The following NIPA2 variants were observed in gnomAD, a reference collection of about 807,000 sequenced individuals.
NIPA2 encodes NIPA magnesium transporter 2.
A neutral mutation model predicts 29.7 loss-of-function variants in NIPA2; 11 were observed. The ratio of observed to expected loss-of-function variants is 0.37; its 90% CI spans 0.23 to 0.61. The LOEUF (loss-of-function observed/expected upper bound fraction) is 0.61, where lower values mean the gene tolerates loss of function less well. Ranked by LOEUF, NIPA2 falls within the 20% of genes least tolerant of loss-of-function variation. The pLI, the probability that NIPA2 is intolerant of heterozygous loss-of-function variation, is 0.66. For missense variants in NIPA2, 426 were observed against 437.9 expected (o/e 0.97, Z 0.24); for synonymous variants, 183 against 161.9 (o/e 1.13, Z -0.99).
At chr15:22,854,569 A>AC (rs892829084) in intron 5 of NIPA2, among the ~76,000 whole-genome samples, 3 of 146,512 alleles carry the variant, frequency 2.0e-5, no homozygotes, top group African/African-American at 7.5e-5. Flanking sequence ...ACATGGTGAA[A>AC]CCCCGTCTCT....
chr15:22,842,959 C>T (rs929335473), intron 2 of NIPA2, among the ~76,000 whole-genome samples: 13 of 150,370 alleles, frequency 8.6e-5, no homozygotes, highest in African/African-American at 3.0e-4. Context: ...GCAGAGATTG[C>T]GTCACTGCAC....
At chr15:22,848,101 G>T (rs1462437265) in intron 3 of NIPA2, among the ~76,000 whole-genome samples, 1 of 152,166 alleles carries the variant, frequency 6.6e-6, no homozygotes, top group African/African-American at 2.4e-5. Context: ...CCTGGTCGAT[G>T]ATTTTTATGT....
At chr15:22,843,094 A>G (rs1214944733) in intron 2 of NIPA2, among the ~76,000 whole-genome samples, 1 of 151,570 alleles carries the variant, frequency 6.6e-6, no homozygotes, top group African/African-American at 2.4e-5. Flanking sequence ...TCTTCTTGCT[A>G]CAAACAGGGG....
chr15:22,847,636 G>C (rs555204661), intron 3 of NIPA2, among the ~76,000 whole-genome samples: 1 of 151,982 alleles, frequency 6.6e-6, no homozygotes, highest in South Asian at 2.1e-4. Flanking sequence ...GCTAATTTTT[G>C]TATTTTTAGT....
intron 3 of NIPA2, among the ~76,000 whole-genome samples, chr15:22,848,861 C>T: frequency 6.7e-6 from 1 of 149,072 alleles, no homozygotes; most frequent in South Asian, 2.1e-4. Flanking sequence ...AGAATTACTC[C>T]ATTCATCCAT....
At position 22,865,808 on chromosome 15, in the gene NIPA2, TTGA is replaced by T. The variant is rs1257475332; in HGVS notation, c.449-401_449-399del. Among the ~76,000 whole-genome samples the T allele has an allele frequency of 5.9e-5, 9 of 151,594 alleles. No homozygotes were observed. In the South Asian group the frequency reaches 1.3e-3, roughly 21 times the overall value. On this transcript the variant is annotated intron_variant, in intron 7 of 7. Coordinates refer to ENST00000337451, the MANE Select transcript of NIPA2 (RefSeq NM_030922.7). ...AAAAGTTTCCCCTTTTAGGGAAAAC[TTGA>T]TGAAGAACTCTTGTTTTTGTGTTTT...
intron 5 of NIPA2, 34 bp from the exon 6 acceptor site, chr15:22,858,506 T>TAG (rs767218582): frequency 3.4e-6 from 5 of 1,450,734 alleles, no homozygotes; most frequent in Non-Finnish European, 4.8e-6. Context: ...CATACATTCT[T>TAG]ACCTGAGTTT....
intron 3 of NIPA2, among the ~76,000 whole-genome samples, chr15:22,851,022 CG>C (rs1210037450): frequency 1.3e-5 from 2 of 152,146 alleles, no homozygotes; most frequent in Admixed American, 1.3e-4. Flanking sequence ...TGTCTGGCCT[CG>C]AGGATTGAGC....
In NIPA2 at chr15:22,844,906, G is replaced by C. The variant is rs139635880; in HGVS notation, c.-215-240G>C. 2.1e-4 allele frequency among the ~76,000 whole-genome samples: 32 copies of C among 152,260 alleles called. 1 individual carries two copies. The highest frequency in any genetic ancestry group is 3.8e-4 in the Non-Finnish European group (26 of 68,014). ...CTTAGTCGTGGAGTCCTTGAGGATA[G>C]GCCCTTTGATCATCTTTACAACTTC... On this transcript the variant is annotated intron_variant, in intron 2 of 7. Transcript: ENST00000337451.
chr15:22,853,082 C>T (rs1347868581), intron 4 of NIPA2, 130 bp from the exon 5 acceptor site: 1 of 606,622 alleles, frequency 1.6e-6, no homozygotes. Context: ...TCAGAGAAAT[C>T]CCGAGTCATG....
intron 4 of NIPA2, among the ~76,000 whole-genome samples, 195 bp from the exon 5 acceptor site, chr15:22,853,017 C>T (rs373039715): frequency 6.6e-6 from 1 of 152,068 alleles, no homozygotes; most frequent in East Asian, 1.9e-4. Context: ...CTGTTCATGA[C>T]GGGTATGCTT....
chr15:22,844,087 C>A (rs1001701612), intron 2 of NIPA2, among the ~76,000 whole-genome samples: 1 of 152,136 alleles, frequency 6.6e-6, no homozygotes, highest in Non-Finnish European at 1.5e-5. Context: ...TTTAGGTTTT[C>A]CTTATTAGAA....
At chr15:22,856,089 G>A in intron 5 of NIPA2, among the ~76,000 whole-genome samples, 1 of 152,252 alleles carries the variant, frequency 6.6e-6, no homozygotes, top group Non-Finnish European at 1.5e-5. Flanking sequence ...GTGCTCTGAG[G>A]ACACTCAGGC....
intron 5 of NIPA2, among the ~76,000 whole-genome samples, chr15:22,857,455 A>AAT (rs562500622): frequency 6.6e-6 from 1 of 150,970 alleles, no homozygotes; most frequent in South Asian, 2.1e-4. Context: ...AAAAAAAAAA[A>AAT]GTTTTATCAG....
intron 4 of NIPA2, 136 bp from the exon 5 acceptor site, chr15:22,853,076 A>G: frequency 1.7e-6 from 1 of 593,138 alleles, no homozygotes; most frequent in Non-Finnish European, 3.0e-6. Context: ...AAATTGTCAG[A>G]GAAATCCCGA....
intron 2 of NIPA2, among the ~76,000 whole-genome samples, chr15:22,841,520 T>C (rs1473575150): frequency 6.6e-6 from 1 of 152,148 alleles, no homozygotes; most frequent in Non-Finnish European, 1.5e-5. Context: ...CCTTTTTTTT[T>C]CTTCTGAGAT....
chr15:22,849,563 ATT>A (rs11423765), intron 3 of NIPA2, among the ~76,000 whole-genome samples: 3 of 144,402 alleles, frequency 2.1e-5, no homozygotes, highest in African/African-American at 2.5e-5. Flanking sequence ...ATGTTTCAGT[ATT>A]TTTTTTTTTT....
chr15:22,863,405 C>G (rs909069193), intron 7 of NIPA2, among the ~76,000 whole-genome samples: 1 of 152,120 alleles, frequency 6.6e-6, no homozygotes, highest in Non-Finnish European at 1.5e-5. Context: ...TATTCTTATT[C>G]ATAGCCCTTT....
intron 3 of NIPA2, among the ~76,000 whole-genome samples, chr15:22,847,468 T>A (rs573448023): frequency 3.0e-4 from 39 of 129,196 alleles, no homozygotes; most frequent in African/African-American, 1.5e-3. Context: ...ATGATGATTC[T>A]TTTTTTTTTT....
Sources: gnomAD v4.1 joint callset for allele counts (sites outside exome capture counted in the v4.1 genomes callset) on GRCh38, gnomAD v4.1.1 for gene constraint, MANE v1.5 for transcripts, NCBI Gene and HGNC (gene_info 2026-07-23, HGNC 2026-07-21) for gene names.